TMEM232: variants seen among roughly 807,000 people sequenced by gnomAD.
TMEM232 encodes transmembrane protein 232.
Under a neutral mutation model 78.8 loss-of-function variants are expected in TMEM232, and 80 were observed. The ratio of observed to expected loss-of-function variants is 1.01; its 90% CI spans 0.85 to 1.22. The LOEUF (loss-of-function observed/expected upper bound fraction) is 1.22, where lower values mean the gene tolerates loss of function less well. TMEM232 is among the 50% of genes most tolerant of loss of function. TMEM232 has a pLI of 0.00. For synonymous variants in TMEM232, 297 were observed against 254.3 expected (o/e 1.17, Z -1.60); for missense variants, 881 against 742.2 (o/e 1.19, Z -2.17).
chr5:110,405,776 C>T lies in TMEM232; in HGVS notation n.309-7922G>A, dbSNP rs80303704. On this transcript the variant is annotated intron_variant and non_coding_transcript_variant, in intron 2 of 8. Transcript: ENST00000507188. ...AAGTAAACAGGCCATCTGTAACTTCCTGGAATTATCAAGAAGTTTAGCACG... is the reference window on the plus strand; with the variant it reads ...AAGTAAACAGGCCATCTGTAACTTCTTGGAATTATCAAGAAGTTTAGCACG... 8.4e-3 allele frequency among the ~76,000 whole-genome samples: 1,243 copies of T among 148,594 alleles called. 19 individuals are homozygous for T. Among genetic ancestry groups the T allele is most frequent in the African/African-American group, 0.029 (1,177 of 40,714 alleles).
At chr5:110,640,560 G>A (rs868018099) in intron 4 of TMEM232, among the ~76,000 whole-genome samples, 1 of 152,024 alleles carries the variant, frequency 6.6e-6, no homozygotes, top group Non-Finnish European at 1.5e-5. Context: ...ATAAAATGAA[G>A]AAGCAAATTT....
chr5:110,407,901 G>A (rs950767411), intron 2 of TMEM232, among the ~76,000 whole-genome samples: 2 of 152,088 alleles, frequency 1.3e-5, no homozygotes, highest in Non-Finnish European at 2.9e-5. Flanking sequence ...GATTAGATGC[G>A]TTTGGGGTGA....
In TMEM232 at chr5:110,477,346, T is replaced by C. The variant is rs150806095; in HGVS notation, c.1703+51242A>G. ...AGAAATAAGAAATGATGCCCTAGATTACTGATATCAACTACTATTCATCAA... is the reference window on the plus strand; with the variant it reads ...AGAAATAAGAAATGATGCCCTAGATCACTGATATCAACTACTATTCATCAA... On this transcript the variant is annotated intron_variant, in intron 12 of 13. Transcript: ENST00000455884. Among the ~76,000 whole-genome samples the C allele has an allele frequency of 9.8e-3, 1,496 of 151,998 alleles. 35 individuals carry two copies. Among genetic ancestry groups the C allele is most frequent in the African/African-American group, 0.034 (1,399 of 41,532 alleles).
At chr5:110,619,269 T>C (rs1455096000) in intron 7 of TMEM232, among the ~76,000 whole-genome samples, 1 of 152,180 alleles carries the variant, frequency 6.6e-6, no homozygotes, top group Non-Finnish European at 1.5e-5. Context: ...ACTTAGAATC[T>C]AAAGGGCTTC....
At chr5:110,527,279 T>C (rs1377595742) in intron 12 of TMEM232, among the ~76,000 whole-genome samples, 1 of 151,914 alleles carries the variant, frequency 6.6e-6, no homozygotes, top group Non-Finnish European at 1.5e-5. Context: ...AACACAGTAA[T>C]ATACTGTGGC....
chr5:110,650,320 T>C (rs958281480), intron 2 of TMEM232, among the ~76,000 whole-genome samples: 7 of 152,124 alleles, frequency 4.6e-5, no homozygotes, highest in Non-Finnish European at 1.0e-4. Context: ...ATTTTTAACA[T>C]ATTCAGAATT....
chr5:110,647,793 C>T (rs1787712913), intron 2 of TMEM232, among the ~76,000 whole-genome samples: 1 of 151,962 alleles, frequency 6.6e-6, no homozygotes, highest in African/African-American at 2.4e-5. Flanking sequence ...TAATAGTAAT[C>T]ATCATCATAA....
chr5:110,520,157 G>C (rs1305248726), intron 12 of TMEM232, among the ~76,000 whole-genome samples: 1 of 151,686 alleles, frequency 6.6e-6, no homozygotes, highest in Non-Finnish European at 1.5e-5. Flanking sequence ...AAATAAAAGG[G>C]TGGAGTTGGA....
intron 11 of TMEM232, 61 bp from the exon 12 acceptor site, chr5:110,528,896 G>A (rs1214029496): frequency 1.4e-5 from 17 of 1,222,828 alleles, no homozygotes; most frequent in Middle Eastern, 2.8e-4. Context: ...AAAAAAAATC[G>A]TGTATTATTA....
At chr5:110,654,626 T>C (rs1169053503) in intron 2 of TMEM232, among the ~76,000 whole-genome samples, 1 of 152,224 alleles carries the variant, frequency 6.6e-6, no homozygotes, top group Non-Finnish European at 1.5e-5. Context: ...GACTTGGTGA[T>C]GTGGGCTCTT....
chr5:110,542,383 T>C (rs1021386688), intron 11 of TMEM232, among the ~76,000 whole-genome samples: 1 of 152,144 alleles, frequency 6.6e-6, no homozygotes, highest in African/African-American at 2.4e-5. Context: ...GAAGTTCCCA[T>C]TAAATCTTTT....
chr5:110,704,103 C>A (rs1348560705), intron 1 of TMEM232, among the ~76,000 whole-genome samples: 2 of 152,048 alleles, frequency 1.3e-5, no homozygotes, highest in East Asian at 3.9e-4. Flanking sequence ...TCCCAAAAAG[C>A]TAAATTGATA....
At chr5:110,542,506 C>T (rs765558531) in intron 11 of TMEM232, among the ~76,000 whole-genome samples, 3 of 152,076 alleles carry the variant, frequency 2.0e-5, no homozygotes, top group Non-Finnish European at 4.4e-5. Context: ...AAGAAGCTAC[C>T]CTGTCTTCAT....
chr5:110,404,954 A>G (rs1355117053), intron 2 of TMEM232, among the ~76,000 whole-genome samples: 1 of 152,080 alleles, frequency 6.6e-6, no homozygotes, highest in Non-Finnish European at 1.5e-5. Flanking sequence ...ATTCCAAGCA[A>G]AAAACAAATT....
intron 12 of TMEM232, among the ~76,000 whole-genome samples, chr5:110,494,214 TA>T (rs1362889887): frequency 1.3e-5 from 2 of 151,990 alleles, no homozygotes; most frequent in African/African-American, 4.8e-5. Context: ...ATTAAAACCA[TA>T]AAACTTCATA....
intron 10 of TMEM232, among the ~76,000 whole-genome samples, chr5:110,581,227 G>T (rs1479703126): frequency 6.6e-6 from 1 of 151,812 alleles, no homozygotes; most frequent in Non-Finnish European, 1.5e-5. Flanking sequence ...TAAGCAAAGA[G>T]AACAAAGCCA....
At chr5:110,609,799 C>T (rs1034882765) in intron 8 of TMEM232, among the ~76,000 whole-genome samples, 1 of 151,972 alleles carries the variant, frequency 6.6e-6, no homozygotes, top group Admixed American at 6.6e-5. Context: ...ATATATTTCT[C>T]CTGGTTCTAG....
chr5:110,493,625 T>C (rs1040717269), intron 12 of TMEM232, among the ~76,000 whole-genome samples: 1 of 152,050 alleles, frequency 6.6e-6, no homozygotes, highest in Non-Finnish European at 1.5e-5. Context: ...GCTACTCTTA[T>C]GGAAAAAATA....
At chr5:110,455,820 T>A (rs954758262) in intron 12 of TMEM232, among the ~76,000 whole-genome samples, 2 of 152,168 alleles carry the variant, frequency 1.3e-5, no homozygotes, top group African/African-American at 4.8e-5. Context: ...TCAATCATAA[T>A]TAACCACATC....
Sources: allele counts gnomAD v4.1 joint callset (sites outside exome capture counted in the v4.1 genomes callset), GRCh38; gene constraint gnomAD v4.1.1; transcripts MANE v1.5; gene names NCBI Gene and HGNC (gene_info 2026-07-23, HGNC 2026-07-21).